NRXN3: variants seen among roughly 807,000 people sequenced by gnomAD.
NRXN3 encodes neurexin 3, also known as neurexin III.
Under a neutral mutation model 137.6 loss-of-function variants are expected in NRXN3, and 32 were observed. The ratio of observed to expected loss-of-function variants is 0.23; its 90% CI spans 0.18 to 0.31. The LOEUF is 0.31. Among genes scored for constraint, NRXN3 ranks in the 10% least tolerant of loss-of-function variants. The pLI, the probability that NRXN3 is intolerant of heterozygous loss-of-function variation, is 1.00. For missense variants in NRXN3, 1,574 were observed against 2,062.5 expected (o/e 0.76, Z 4.59); for synonymous variants, 798 against 784.5 (o/e 1.02, Z -0.29).
intron 15 of NRXN3, among the ~76,000 whole-genome samples, chr14:79,137,805 TG>T (rs1290717909): frequency 2.6e-5 from 4 of 152,190 alleles, no homozygotes; most frequent in Admixed American, 1.3e-4. Context: ...TCCTGGCATA[TG>T]TTTTTTTCTC....
chr14:78,368,253 A>G (rs926414767), intron 4 of NRXN3, among the ~76,000 whole-genome samples: 2 of 152,246 alleles, frequency 1.3e-5, no homozygotes, highest in Non-Finnish European at 2.9e-5. Context: ...AGCATTTAAA[A>G]ACAATGTAGA....
intron 10 of NRXN3, among the ~76,000 whole-genome samples, chr14:78,878,909 G>GT (rs2099120709): frequency 6.6e-6 from 1 of 151,588 alleles, no homozygotes; most frequent in South Asian, 2.1e-4. Flanking sequence ...CCTGCTATGA[G>GT]TTTGTTTTTT....
At chr14:79,388,579 A>ATTT (rs2094725563) in intron 15 of NRXN3, among the ~76,000 whole-genome samples, 1 of 152,016 alleles carries the variant, frequency 6.6e-6, no homozygotes, top group Non-Finnish European at 1.5e-5. Context: ...GCACATAATG[A>ATTT]CAAAGCATGA....
intron 15 of NRXN3, among the ~76,000 whole-genome samples, chr14:79,122,524 C>A (rs932998674): frequency 6.6e-6 from 1 of 152,070 alleles, no homozygotes; most frequent in East Asian, 1.9e-4. Flanking sequence ...AGTTAGGAAT[C>A]GTTTTCTGAA....
intron 4 of NRXN3, among the ~76,000 whole-genome samples, chr14:78,334,744 C>T (rs2081257718): frequency 6.6e-6 from 1 of 152,090 alleles, no homozygotes; most frequent in Non-Finnish European, 1.5e-5. Context: ...TAATTCTGGA[C>T]CTCTCAGTGG....
rs1171721001 is a variant in NRXN3, at chr14:79,863,566, T to G, written c.*1602T>G. On this transcript the variant is annotated 3_prime_UTR_variant, in exon 21 of 21. Coordinates refer to ENST00000335750, the MANE Select transcript of NRXN3 (RefSeq NM_001330195.2). ...TTTACATATTTTACTACATTTTTGC[T>G]GGTATAATTCCTTAGCCACCTATGT... 6.6e-6 allele frequency: 1 copy of G among 152,564 alleles called. No individual in the cohort carries two copies. The highest frequency in any genetic ancestry group is 2.4e-5 in the African/African-American group (1 of 41,436). The allele number at this position is 152,564 out of a possible 1,614,324, so 9.5% of individuals were successfully genotyped here. A position where few individuals can be genotyped will look rare whatever the true frequency, so the allele number is the denominator to read the frequency against.
intron 4 of NRXN3, among the ~76,000 whole-genome samples, chr14:78,464,918 A>G (rs1361550334): frequency 1.3e-5 from 2 of 152,214 alleles, no homozygotes; most frequent in African/African-American, 4.8e-5. Flanking sequence ...TTATCAAGGT[A>G]TATTAACATT....
intron 20 of NRXN3, chr14:79,823,858 A>C (rs2099280305): frequency 2.3e-6 from 1 of 436,916 alleles, no homozygotes; most frequent in African/African-American, 2.0e-5. Context: ...GGCTCTATAT[A>C]GCTTAACACA....
chr14:79,815,612 A>G (rs780811919), intron 20 of NRXN3, among the ~76,000 whole-genome samples: 37 of 152,128 alleles, frequency 2.4e-4, no homozygotes, highest in Non-Finnish European at 3.1e-4. Context: ...GGAAGGAGGA[A>G]AGGAAGAGAT....
At chr14:78,935,738 G>A (rs1255674933) in intron 10 of NRXN3, among the ~76,000 whole-genome samples, 5 of 152,110 alleles carry the variant, frequency 3.3e-5, no homozygotes, top group African/African-American at 2.4e-5. Context: ...TTAAAATAGA[G>A]CTAATAGCTG....
chr14:79,777,874 G>A (rs1411804721), intron 19 of NRXN3, among the ~76,000 whole-genome samples: 1 of 151,504 alleles, frequency 6.6e-6, no homozygotes, highest in South Asian at 2.1e-4. Context: ...AAGCACATCT[G>A]TCCTCCCAGG....
At chr14:79,424,780 C>A (rs1399802291) in intron 15 of NRXN3, among the ~76,000 whole-genome samples, 1 of 152,126 alleles carries the variant, frequency 6.6e-6, no homozygotes, top group African/African-American at 2.4e-5. Context: ...CTAATTTCTC[C>A]TCCCTCCCCC....
rs1310603006 is a variant in NRXN3, at chr14:79,697,539, G to A, written c.3707-91G>A. ...TCCTCCCCTTCAATTGCTCAAGGAA[G>A]CCTGTTATGATGCCTGGTCCATTCA... is the stretch of plus-strand genomic sequence containing the variant. On this transcript the variant is annotated intron_variant, in intron 18 of 20. Coordinates refer to ENST00000335750, the MANE Select transcript of NRXN3 (RefSeq NM_001330195.2). 3.6e-6 allele frequency: 5 copies of A among 1,379,434 alleles called. No homozygotes were observed. The Middle Eastern group carries it at 7.9e-4, about 219-fold the overall frequency. 85.4% of individuals were successfully genotyped at this position (1,379,434 alleles called of 1,614,324 possible).
At chr14:79,751,114 A>G (rs915135069) in intron 19 of NRXN3, among the ~76,000 whole-genome samples, 7 of 152,084 alleles carry the variant, frequency 4.6e-5, no homozygotes, top group African/African-American at 1.7e-4. Context: ...GAAGAAAGTC[A>G]TTGGTAGCTT....
At chr14:78,442,805 C>T (rs1003432274) in intron 4 of NRXN3, among the ~76,000 whole-genome samples, 3 of 152,108 alleles carry the variant, frequency 2.0e-5, no homozygotes, top group Non-Finnish European at 4.4e-5. Context: ...AAGGACAGGG[C>T]CTTGTCATGT....
rs1294331326 is a variant in NRXN3 at position 78,646,848 on chromosome 14, G to A, written c.1059+1427G>A. On this transcript the variant is annotated intron_variant, in intron 5 of 20. Coordinates refer to ENST00000335750, the MANE Select transcript of NRXN3 (RefSeq NM_001330195.2). ...CATCCATACTTACCCAGGAGAGAAC[G>A]TCTCAACTGTCAAGAGAACCCAAAT... Among the ~76,000 whole-genome samples the A allele has an allele frequency of 1.3e-5, 2 of 152,306 alleles. 1 individual carries two copies. Among genetic ancestry groups the A allele is most frequent in the South Asian group, 4.1e-4 (2 of 4,826 alleles).
At chr14:78,306,353 G>A (rs990125058) in intron 4 of NRXN3, among the ~76,000 whole-genome samples, 1 of 152,078 alleles carries the variant, frequency 6.6e-6, no homozygotes, top group African/African-American at 2.4e-5. Flanking sequence ...TTATCCAGTT[G>A]AGTTAGTTAA....
intron 16 of NRXN3, among the ~76,000 whole-genome samples, chr14:79,662,270 T>G (rs1178087608): frequency 6.6e-6 from 1 of 152,136 alleles, no homozygotes; most frequent in Non-Finnish European, 1.5e-5. Flanking sequence ...TTTGGAAAAC[T>G]AAAGAAATTG....
chr14:78,595,860 G>T (rs1262816739), intron 4 of NRXN3, among the ~76,000 whole-genome samples: 1 of 152,170 alleles, frequency 6.6e-6, no homozygotes, highest in Non-Finnish European at 1.5e-5. Context: ...TGGCAGAGGA[G>T]AGAGAGATAT....
Sources: allele counts gnomAD v4.1 joint callset (sites outside exome capture counted in the v4.1 genomes callset), GRCh38; gene constraint gnomAD v4.1.1; transcripts MANE v1.5; gene names NCBI Gene and HGNC (gene_info 2026-07-23, HGNC 2026-07-21).